The following ADGRE3 variants were observed in gnomAD, a reference collection of about 807,000 sequenced individuals.
ADGRE3 encodes EGF-like module receptor 3.
Under a neutral mutation model 80.1 loss-of-function variants are expected in ADGRE3, and 88 were observed. The ratio of observed to expected loss-of-function variants is 1.10; its 90% CI spans 0.93 to 1.31. The LOEUF (loss-of-function observed/expected upper bound fraction) is 1.31, where lower values mean the gene tolerates loss of function less well. Ranked by LOEUF, ADGRE3 falls within the 40% of genes most tolerant of loss-of-function variation. The probability of loss-of-function intolerance (pLI) is 0.00; values close to 1 mark genes in which losing one functional copy is unlikely to be tolerated. For synonymous variants in ADGRE3, 281 were observed against 294.8 expected, an observed-to-expected ratio of 0.95 and a Z score of 0.48; for missense variants, 715 against 776.5, an observed-to-expected ratio of 0.92 and a Z score of 0.94.
rs564071039 is a variant in ADGRE3 at position 14,658,225 on chromosome 19, GTATC to G, written c.393+284_393+287del. Among the ~76,000 whole-genome samples the G allele has an allele frequency of 8.6e-4, 130 of 151,518 alleles. 1 individual carries two copies. The highest frequency in any genetic ancestry group is 3.0e-3 in the African/African-American group (125 of 41,314). ...TAGTGGTATACCTAATGGTATATCT[GTATC>G]TATCTATCTATAGATATATGTATAC... On this transcript the variant is annotated intron_variant, in intron 5 of 15. Coordinates refer to ENST00000253673, the MANE Select transcript of ADGRE3 (RefSeq NM_032571.5).
At chr19:14,610,942 A>G in the ADGRE3 span, 18 of 151,616 alleles carry the variant, frequency 1.2e-4, no homozygotes, top group African/African-American at 4.4e-4. Context: ...GATTACAGGC[A>G]TGTGTCACCG....
At position 14,658,538 on chromosome 19, in the gene ADGRE3, G is replaced by C; in HGVS notation, c.368C>G (p.Ser123Ter). The change falls in exon 5 of 16, where the codon TCA (serine) becomes TGA (stop). Residue 123 changes from serine (S) to a stop codon, truncating the protein, a stop_gained. Transcript: ENST00000253673. LOFTEE classifies it high-confidence loss of function. ...NENTCQDTTS[S>*]KTTEGRKELQ... ...CTCTTTCCTGCCCTCGGTTGTCTTTGAGGAGGTGGTGTCTGCAAAAGACAT... is the reference window on the plus strand; with the variant it reads ...CTCTTTCCTGCCCTCGGTTGTCTTTCAGGAGGTGGTGTCTGCAAAAGACAT... 1 of 1,567,070 alleles carries C rather than the reference G, an allele frequency of 6.4e-7. No individual in the cohort carries two copies. The highest frequency in any genetic ancestry group is 1.2e-5 in the South Asian group (1 of 85,308).
At chr19:14,607,720 A>T in the ADGRE3 span, among the ~76,000 whole-genome samples, 1 of 151,160 alleles carries the variant, frequency 6.6e-6, no homozygotes, top group African/African-American at 2.4e-5. Context: ...GGGATTACAG[A>T]CACCCGCCGT....
At chr19:14,617,287 CTT>C (rs1250766700), downstream of ADGRE3, among the ~76,000 whole-genome samples, 1 of 148,162 alleles carries the variant, frequency 6.7e-6, no homozygotes, top group Non-Finnish European at 1.5e-5. Context: ...CGTTCTTTCT[CTT>C]TCTCTCTCTC....
intron 9 of ADGRE3, among the ~76,000 whole-genome samples, chr19:14,643,143 G>GTTTTTTTTTTTTTTTTTTTT (rs1568485721): frequency 8.2e-6 from 1 of 122,066 alleles, no homozygotes; most frequent in African/African-American, 3.6e-5. Context: ...TAGTAATCAT[G>GTTTTTTTTTTTTTTTTTTTT]GTTTTTTTTT....
chr19:14,630,054 G>A lies in ADGRE3; in HGVS notation c.1797C>T (p.Cys599=). Residue 599 remains cysteine, a synonymous_variant, in exon 14 of 16, where the codon TGC becomes TGT. Transcript: ENST00000253673. ...CAGTGTTTACCTGCTGGCTGAGGAG[G>A]CAGTAGACCAAGAAGATGAAGAAGC... ...LQGFFIFLVY[C]LLSQQVQKQY... 6.2e-7 allele frequency: 1 copy of A among 1,607,762 alleles called. No homozygotes were observed. Among genetic ancestry groups the A allele is most frequent in the South Asian group, 1.1e-5 (1 of 90,312 alleles).
downstream of ADGRE3, among the ~76,000 whole-genome samples, chr19:14,615,328 GGT>G (rs2075069427): frequency 6.6e-6 from 1 of 151,176 alleles, no homozygotes; most frequent in African/African-American, 2.4e-5. Context: ...CCTCGGGAGA[GGT>G]GACTCTGAGA....
the ADGRE3 span, chr19:14,600,330 A>G: frequency 1.8e-5 from 17 of 953,612 alleles, no homozygotes; most frequent in Non-Finnish European, 2.6e-5. Flanking sequence ...TTCCTAAGGT[A>G]GTATCATGCA....
chr19:14,617,120 AGAG>A (rs2075079110), downstream of ADGRE3, among the ~76,000 whole-genome samples: 2 of 151,942 alleles, frequency 1.3e-5, no homozygotes, highest in South Asian at 4.2e-4. Flanking sequence ...TTGGCTGTGA[AGAG>A]GAGGAGAGAT....
rs567178166 is a variant in ADGRE3 at position 14,632,514 on chromosome 19, T to C, written c.1643+407A>G. ...GATCAGCCAATGGGATATGAGCAAA[T>C]GTGGCAACTGCAACTCCTATATTAC... On this transcript the variant is annotated intron_variant, in intron 13 of 15. Transcript: ENST00000253673. 1.1e-3 allele frequency among the ~76,000 whole-genome samples: 163 copies of C among 152,236 alleles called. 1 individual carries two copies. Among genetic ancestry groups the C allele is most frequent in the African/African-American group, 3.6e-3 (151 of 41,526 alleles).
At chr19:14,643,144 GTTT>G (rs373306807) in intron 9 of ADGRE3, among the ~76,000 whole-genome samples, 3 of 124,066 alleles carry the variant, frequency 2.4e-5, no homozygotes, top group Non-Finnish European at 3.3e-5. Context: ...AGTAATCATG[GTTT>G]TTTTTTTTTT....
chr19:14,661,611 T>C (rs1323188849), intron 4 of ADGRE3, among the ~76,000 whole-genome samples: 1 of 152,202 alleles, frequency 6.6e-6, no homozygotes, highest in African/African-American at 2.4e-5. Flanking sequence ...TGTAGTTCCC[T>C]GCAGAAAATA....
At chr19:14,636,128 T>TCC (rs1164363444) in intron 11 of ADGRE3, among the ~76,000 whole-genome samples, 4 of 82,454 alleles carry the variant, frequency 4.9e-5, no homozygotes, top group Non-Finnish European at 7.7e-5. Flanking sequence ...CTTTCTTTCT[T>TCC]TCTTTCTTTC....
At chr19:14,657,044 C>A (rs554273660) in intron 5 of ADGRE3, among the ~76,000 whole-genome samples, 1 of 152,004 alleles carries the variant, frequency 6.6e-6, no homozygotes, top group Admixed American at 6.6e-5. Context: ...TACAGGCATG[C>A]GCCCCCATGC....
rs1274883047 is a variant in ADGRE3 at position 14,667,217 on chromosome 19, G to A, written c.76+1585C>T. 4.6e-5 allele frequency among the ~76,000 whole-genome samples: 7 copies of A among 152,094 alleles called. No individual in the cohort carries two copies. The East Asian group carries it at 5.8e-4, about 13-fold the overall frequency. On this transcript the variant is annotated intron_variant, in intron 2 of 15. Transcript: ENST00000253673. ...CTATGAAGTGAGACTTGGAGCAGAC[G>A]GAAATTTTTTGGAGTGAAATGTGGC... is the stretch of plus-strand genomic sequence containing the variant.
chr19:14,620,149 G>A (rs900620913), intron 15 of ADGRE3, among the ~76,000 whole-genome samples: 1 of 151,968 alleles, frequency 6.6e-6, no homozygotes, highest in African/African-American at 2.4e-5. Flanking sequence ...TTAACCCAAG[G>A]TCAAACTTGT....
intron 14 of ADGRE3, 25 bp downstream of exon 14, chr19:14,630,014 A>G: frequency 6.7e-7 from 1 of 1,492,262 alleles, no homozygotes; most frequent in African/African-American, 1.4e-5. Context: ...AAGTTTAAAT[A>G]ACAAAGAAAG....
chr19:14,659,714 G>A (rs893475497), intron 4 of ADGRE3, among the ~76,000 whole-genome samples: 2 of 150,986 alleles, frequency 1.3e-5, no homozygotes, highest in East Asian at 2.0e-4. Flanking sequence ...CCAGCTACTC[G>A]GGAGGCTGAG....
In ADGRE3 at chr19:14,641,483, A is replaced by G; in HGVS notation, c.1184T>C (p.Leu395Pro). ...GTGGGCCAGGAAGAGGCAGAGCGAG[A>G]GCTGCAGATGCAGTGAGGTGCTGGT... ...RNTSTSLHLQ[L>P]SLCLFLAHLL... The change falls in exon 10 of 16, where the codon CTC (leucine) becomes CCC (proline). Residue 395 changes from leucine (L) to proline (P), a missense_variant. Leu to Pro is a moderately conservative substitution (Grantham distance 98). Coordinates refer to ENST00000253673, the MANE Select transcript of ADGRE3 (RefSeq NM_032571.5). The G allele has an allele frequency of 6.2e-7, 1 of 1,613,860 alleles. No individual in the cohort carries two copies. The highest frequency in any genetic ancestry group is 1.1e-5 in the South Asian group (1 of 91,062).
Sources: allele counts gnomAD v4.1 joint callset (sites outside exome capture counted in the v4.1 genomes callset), GRCh38; gene constraint gnomAD v4.1.1; transcripts MANE v1.5; gene names NCBI Gene and HGNC (gene_info 2026-07-23, HGNC 2026-07-21).